PTBP3: variants seen among roughly 807,000 people sequenced by gnomAD.
PTBP3 encodes the protein polypyrimidine tract-binding protein 3.
Under a neutral mutation model 58.7 loss-of-function variants are expected in PTBP3, and 20 were observed. The ratio of observed to expected loss-of-function variants is 0.34; its 90% CI spans 0.24 to 0.50. The LOEUF is 0.50. Ranked by LOEUF, PTBP3 falls within the 20% of genes least tolerant of loss-of-function variation. The pLI is 0.98. For missense variants in PTBP3, 509 were observed against 637.2 expected, an observed-to-expected ratio of 0.80 and a Z score of 2.17; for synonymous variants, 185 against 219.8, an observed-to-expected ratio of 0.84 and a Z score of 1.40.
In PTBP3 at chr9:112,262,461, G is replaced by A; in HGVS notation, c.490C>T (p.Pro164Ser). The change falls in exon 5 of 14, where the codon CCT becomes TCT. Residue 164 changes from proline (P) to serine (S), a missense_variant. Pro to Ser is a moderately conservative substitution (Grantham distance 74). This residue lies in a region of PTBP3 where 212 missense variants were observed against 215.3 expected (regional missense o/e 0.98). Transcript: ENST00000374257. The part of the protein sequence containing the change: ...LRIIIENLFY[P>S]VTLEVLHQIF... ...TGATGAAGAACTTCCAGGGTAACAG[G>A]GTAAAAGAGGTTTTCAATAATTATT... 1 of 1,608,544 alleles carries A rather than the reference G, an allele frequency of 6.2e-7. No homozygotes were observed. Among genetic ancestry groups the A allele is most frequent in the South Asian group, 1.1e-5 (1 of 89,800 alleles).
chr9:112,349,745 T>A, the PTBP3 span, among the ~76,000 whole-genome samples: 1 of 151,122 alleles, frequency 6.6e-6, no homozygotes, highest in Non-Finnish European at 1.5e-5. Flanking sequence ...GCGCCTGTAA[T>A]CCCAGCTACT....
chr9:112,289,984 T>G (rs1828308838), intron 2 of PTBP3, among the ~76,000 whole-genome samples: 1 of 152,208 alleles, frequency 6.6e-6, no homozygotes, highest in African/African-American at 2.4e-5. Context: ...GAAAGAAATG[T>G]TAACATTAAT....
At chr9:112,340,125 A>G in the PTBP3 span, among the ~76,000 whole-genome samples, 2 of 152,192 alleles carry the variant, frequency 1.3e-5, no homozygotes, top group African/African-American at 4.8e-5. Context: ...CCACCACCAC[A>G]CCTGGCTAAT....
intron 10 of PTBP3, among the ~76,000 whole-genome samples, chr9:112,229,057 G>A (rs1835102245): frequency 6.6e-6 from 1 of 151,894 alleles, no homozygotes; most frequent in East Asian, 1.9e-4. Context: ...GATTCACTGG[G>A]GTATGGAAAG....
At chr9:112,312,192 C>A (rs891783766) in intron 1 of PTBP3, among the ~76,000 whole-genome samples, 1 of 151,998 alleles carries the variant, frequency 6.6e-6, no homozygotes, top group Non-Finnish European at 1.5e-5. Flanking sequence ...AATGGAAAAG[C>A]CTGGCAGAAA....
At chr9:112,267,211 G>A (rs1836837248) in intron 4 of PTBP3, among the ~76,000 whole-genome samples, 1 of 150,354 alleles carries the variant, frequency 6.7e-6, no homozygotes, top group Admixed American at 6.6e-5. Context: ...TCTCACCCAG[G>A]CTGGAGTGCA....
At chr9:112,311,740 G>A (rs1829487071) in intron 1 of PTBP3, among the ~76,000 whole-genome samples, 1 of 152,142 alleles carries the variant, frequency 6.6e-6, no homozygotes, top group African/African-American at 2.4e-5. Context: ...AAGGCCAGGA[G>A]TCTGAGACCA....
At chr9:112,296,374 A>G (rs1286474254) in intron 2 of PTBP3, among the ~76,000 whole-genome samples, 1 of 152,142 alleles carries the variant, frequency 6.6e-6, no homozygotes, top group African/African-American at 2.4e-5. Flanking sequence ...ATTTTTAAAA[A>G]GAATTATTAT....
chr9:112,366,448 T>C, the PTBP3 span, among the ~76,000 whole-genome samples: 1 of 152,064 alleles, frequency 6.6e-6, no homozygotes, highest in African/African-American at 2.4e-5. Context: ...GTGTGCAGCC[T>C]AGGGACTTGG....
intron 2 of PTBP3, among the ~76,000 whole-genome samples, chr9:112,292,711 G>GCAAAAA (rs1828493699): frequency 6.6e-6 from 1 of 152,124 alleles, no homozygotes; most frequent in Non-Finnish European, 1.5e-5. Context: ...CTTATATGAG[G>GCAAAAA]TATCTAAAAT....
intron 2 of PTBP3, among the ~76,000 whole-genome samples, chr9:112,292,274 C>A (rs7048383): frequency 6.6e-6 from 1 of 152,072 alleles, no homozygotes; most frequent in Admixed American, 6.5e-5. Context: ...ATTTAAAACC[C>A]AAAAAATAAG....
At chr9:112,230,737 A>G (rs779105218) in intron 10 of PTBP3, among the ~76,000 whole-genome samples, 11 of 152,230 alleles carry the variant, frequency 7.2e-5, no homozygotes, top group Non-Finnish European at 1.2e-4. Context: ...ATCATGTTTT[A>G]TGGAAAAATA....
the PTBP3 span, among the ~76,000 whole-genome samples, chr9:112,353,801 C>T: frequency 4.0e-5 from 6 of 151,438 alleles, no homozygotes; most frequent in Admixed American, 4.0e-4. Flanking sequence ...GCCAAAAATA[C>T]AAAAAAATTA....
chr9:112,290,709 C>CACAA (rs1554799455), intron 2 of PTBP3, among the ~76,000 whole-genome samples: 1 of 131,632 alleles, frequency 7.6e-6, no homozygotes, highest in African/African-American at 2.8e-5. Context: ...TATATATATA[C>CACAA]ACACACACAC....
intron 1 of PTBP3, among the ~76,000 whole-genome samples, chr9:112,308,576 C>T (rs2148990): frequency 0.85 from 128,744 of 151,900 alleles, 54,982 homozygotes; most frequent in African/African-American, 0.95. Flanking sequence ...GAATGGAAGA[C>T]AATCAAGCAG....
intron 1 of PTBP3, among the ~76,000 whole-genome samples, chr9:112,331,082 AACACACACACACACACAC>A (rs10660591): frequency 8.6e-5 from 12 of 139,530 alleles, no homozygotes; most frequent in Admixed American, 2.9e-4. Flanking sequence ...GGAGGAAACG[AACACACACACACACACAC>A]ACACACACAC....
intron 6 of PTBP3, among the ~76,000 whole-genome samples, chr9:112,251,607 G>C (rs1439663358): frequency 1.3e-5 from 2 of 151,766 alleles, no homozygotes; most frequent in Non-Finnish European, 2.9e-5. Flanking sequence ...TTTTTCTCTT[G>C]TAAATTTACT....
intron 1 of PTBP3, among the ~76,000 whole-genome samples, chr9:112,313,646 G>A (rs1431115350): frequency 6.6e-6 from 1 of 152,160 alleles, no homozygotes; most frequent in Non-Finnish European, 1.5e-5. Flanking sequence ...GCAGGACTCA[G>A]TTTGTACATG....
intron 1 of PTBP3, among the ~76,000 whole-genome samples, chr9:112,307,718 A>C (rs1829282198): frequency 6.6e-6 from 1 of 152,238 alleles, no homozygotes; most frequent in Non-Finnish European, 1.5e-5. Context: ...CTCACTTTCA[A>C]ATTACAGAAA....
Sources: gnomAD v4.1 joint callset for allele counts (sites outside exome capture counted in the v4.1 genomes callset) on GRCh38, gnomAD v4.1.1 for gene constraint, gnomAD v4.1.1 regional missense constraint, MANE v1.5 for transcripts, NCBI Gene and HGNC (gene_info 2026-07-23, HGNC 2026-07-21) for gene names.